The following FHIP1B variants were observed in gnomAD, a reference collection of about 807,000 sequenced individuals.
FHIP1B encodes FHF complex subunit HOOK interacting protein 1B.
In FHIP1B, 28 loss-of-function variants were observed where a neutral mutation model predicts 82.2. The observed-to-expected ratio is 0.34, with a 90% CI of 0.25 to 0.47. The LOEUF is 0.47. Among genes scored for constraint, FHIP1B ranks in the 20% least tolerant of loss-of-function variants. The pLI, the probability that FHIP1B is intolerant of heterozygous loss-of-function variation, is 1.00. For synonymous variants in FHIP1B, 585 were observed against 516.1 expected (o/e 1.13, Z -1.81); for missense variants, 1,110 against 1,262.6 (o/e 0.88, Z 1.83).
chr11:6,216,967 G>C, intron 9 of FHIP1B: 1 of 643,540 alleles, frequency 1.6e-6, no homozygotes. Flanking sequence ...GAATGGCATA[G>C]AGAGTGTTTA....
At position 6,211,614 on chromosome 11, in the gene FHIP1B, C is replaced by T; in HGVS notation, c.2811G>A (p.Glu937=). The part of the protein sequence containing the change: ...CAVIFPEFLK[E]LAAISQAHAV... ...CATGAGCCTGGGAGATGGCAGCCAACTCCTTGAGAAATTCAGGGAAAATGA... is the reference window on the plus strand; with the variant it reads ...CATGAGCCTGGGAGATGGCAGCCAATTCCTTGAGAAATTCAGGGAAAATGA... Residue 937 remains glutamate (E), a synonymous_variant, in exon 12 of 12, where the codon GAG becomes GAA. Coordinates refer to ENST00000449352, the MANE Select transcript of FHIP1B (RefSeq NM_001098794.2). 1 of 1,614,230 alleles carries T rather than the reference C, an allele frequency of 6.2e-7. No homozygotes were observed. The highest frequency in any genetic ancestry group is 8.5e-7 in the Non-Finnish European group (1 of 1,180,046).
intron 7 of FHIP1B, 40 bp downstream of exon 7, chr11:6,218,931 T>C: frequency 6.2e-7 from 1 of 1,605,042 alleles, no homozygotes; most frequent in Middle Eastern, 1.7e-4. Context: ...ACTCTGAGGC[T>C]TCAGGGTCAG....
chr11:6,216,532 T>A (rs1847230686), intron 9 of FHIP1B: 1 of 155,332 alleles, frequency 6.4e-6, no homozygotes. Context: ...TTCTCAGAGG[T>A]GGGTTTGTTT....
At chr11:6,215,567 T>C (rs565083285) in intron 9 of FHIP1B, among the ~76,000 whole-genome samples, 1 of 152,266 alleles carries the variant, frequency 6.6e-6, no homozygotes, top group South Asian at 2.1e-4. Context: ...GAAAAAAATA[T>C]TTGGAGGACC....
chr11:6,224,524 G>T lies in FHIP1B; in HGVS notation c.-8C>A, dbSNP rs117257317. 0.01 allele frequency: 16,663 copies of T among 1,606,520 alleles called. 133 individuals are homozygous for T. Among genetic ancestry groups the T allele is most frequent in the Non-Finnish European group, 0.013 (15,047 of 1,176,428 alleles). ...CCAATTCATCCTCTCCATGAGGCAG[G>T]CTGGGCAGGACTGGCAGCCAGAGGC... On this transcript the variant is annotated 5_prime_UTR_variant, in exon 2 of 12. Transcript: ENST00000449352.
Position 6,224,382 on chromosome 11 carries a change from G to A in FHIP1B, c.135C>T (p.Ser45=). 6.2e-7 allele frequency: 1 copy of A among 1,614,230 alleles called. No homozygotes were observed. Among genetic ancestry groups the A allele is most frequent in the Non-Finnish European group, 8.5e-7 (1 of 1,180,046 alleles). The change falls in exon 2 of 12, where the codon TCC becomes TCT. Residue 45 remains serine, a synonymous_variant. Transcript: ENST00000449352. ...CCTTTGCCATACAGTCTCCTACCTG[G>A]GACCAGTGATTCTTGAAGACCATGA... ...TCLMVFKNHW[S]QVVRILERQG...
chr11:6,222,677 G>A, intron 5 of FHIP1B, 68 bp from the exon 6 acceptor site: 1 of 1,578,942 alleles, frequency 6.3e-7, no homozygotes, highest in Non-Finnish European at 8.7e-7. Flanking sequence ...ATTTTCCCTG[G>A]ATTCTAAGAG....
chr11:6,218,957 G>A lies in FHIP1B; in HGVS notation c.1271+14C>T, dbSNP rs760540227. Reference sequence around the variant, plus strand: ...TCAGGGTCAGCCATCCCTCAGCCCTGCCCCAACAGATACCTGAGAACCAGC... The same window carrying A: ...TCAGGGTCAGCCATCCCTCAGCCCTACCCCAACAGATACCTGAGAACCAGC... On this transcript the variant is annotated intron_variant, in intron 7 of 11. Coordinates refer to ENST00000449352, the MANE Select transcript of FHIP1B (RefSeq NM_001098794.2). 1 of 1,613,760 alleles carries A rather than the reference G, an allele frequency of 6.2e-7. No individual in the cohort carries two copies. The highest frequency in any genetic ancestry group is 1.1e-5 in the South Asian group (1 of 91,052).
chr11:6,217,126 G>C, intron 9 of FHIP1B: 2 of 703,362 alleles, frequency 2.8e-6, no homozygotes, highest in Non-Finnish European at 2.6e-6. Context: ...CATGCACATA[G>C]GACATACATA....
chr11:6,213,695 T>C (rs1847138615), intron 11 of FHIP1B, among the ~76,000 whole-genome samples: 1 of 152,174 alleles, frequency 6.6e-6, no homozygotes, highest in Non-Finnish European at 1.5e-5. Flanking sequence ...CTTATACCAC[T>C]CACCAAACTC....
rs143087443 is a variant in FHIP1B at position 6,223,897 on chromosome 11, G to A, written c.490C>T (p.Arg164Cys). ...ALLTLLDACGRPVPSSPALDE... is the reference protein window; with the variant it reads ...ALLTLLDACGCPVPSSPALDE... ...AGTGCTGGGCTACTGGGCACAGGGC[G>A]GCCACAGGCATCCAGCAGGGTGAGC... The change falls in exon 3 of 12, where the codon CGC becomes TGC. Residue 164 changes from arginine to cysteine, a missense_variant. Physicochemically the swap from Arg to Cys is radical, Grantham distance 180. Coordinates refer to ENST00000449352, the MANE Select transcript of FHIP1B (RefSeq NM_001098794.2). This position sits in a 1 kb window ranked among gnomAD's most constrained non-coding sequence, Gnocchi z 4.8. The A allele has an allele frequency of 2.7e-5, 44 of 1,614,060 alleles. No individual in the cohort carries two copies. The highest frequency in any genetic ancestry group is 1.2e-4 in the African/African-American group (9 of 74,928).
intron 11 of FHIP1B, among the ~76,000 whole-genome samples, chr11:6,214,033 T>TG (rs1468260608): frequency 2.4e-5 from 1 of 41,974 alleles, no homozygotes; most frequent in East Asian, 5.3e-4. Flanking sequence ...GGACCTCTCC[T>TG]GAAAAAAAAA....
Position 6,218,742 on chromosome 11 carries a change from G to A in FHIP1B, c.1293C>T (p.His431=), listed in dbSNP as rs368609593. ...LVLRYLVPCN[H]VMLSQKPAVR... Reference sequence around the variant, plus strand: ...CAGCCGGCTTCTGGCTCAGCATAACGTGGTTACATGGAACAAGATACCTGA... The same window carrying A: ...CAGCCGGCTTCTGGCTCAGCATAACATGGTTACATGGAACAAGATACCTGA... Residue 431 remains histidine (H), a synonymous_variant, in exon 8 of 12, where the codon CAC becomes CAT. Coordinates refer to ENST00000449352, the MANE Select transcript of FHIP1B (RefSeq NM_001098794.2). 1.6e-4 allele frequency: 255 copies of A among 1,614,086 alleles called. No individual in the cohort carries two copies. The highest frequency in any genetic ancestry group is 6.7e-4 in the South Asian group (61 of 91,068).
In FHIP1B at chr11:6,222,559, T is replaced by C. The variant is rs145621516; in HGVS notation, c.1074A>G (p.Leu358=). 1.6e-3 allele frequency: 2,594 copies of C among 1,614,064 alleles called. 3 individuals are homozygous for C. Among genetic ancestry groups the C allele is most frequent in the Admixed American group, 2.5e-3 (153 of 60,016 alleles). Residue 358 remains leucine, a synonymous_variant, in exon 6 of 12, where the codon CTA becomes CTG. Transcript: ENST00000449352. ...GCAAAGCAGGCTCTGAGATACTCCG[T>C]AGGAAAAGTTCCAGATAGGCGGTAC... ...IASTAYLELF[L]RSISEPALLR... is the part of the protein sequence containing the mutation.
At chr11:6,234,354 C>T (rs1847785934) in intron 1 of FHIP1B, among the ~76,000 whole-genome samples, 190 bp downstream of exon 1, 2 of 152,166 alleles carry the variant, frequency 1.3e-5, no homozygotes, top group Admixed American at 1.3e-4. Flanking sequence ...AAGCACCCAG[C>T]CTCTCACAGC....
Position 6,224,608 on chromosome 11 carries a change from C to T in FHIP1B, c.-92G>A, listed in dbSNP as rs1330360895. 2 of 1,395,590 alleles carry T rather than the reference C, an allele frequency of 1.4e-6. No individual in the cohort carries two copies. The highest frequency in any genetic ancestry group is 2.5e-5 in the Admixed American group (1 of 39,890). 86.5% of individuals were successfully genotyped at this position (1,395,590 alleles called of 1,614,324 possible). On this transcript the variant is annotated 5_prime_UTR_variant, in exon 2 of 12. It removes an upstream start codon present in the reference 5' UTR. Coordinates refer to ENST00000449352, the MANE Select transcript of FHIP1B (RefSeq NM_001098794.2). ...CTCCACTTGTGTCTCCAGTCTGCTT[C>T]ATCCGGTCTGTAGGAGCCAGTAGCT...
rs148418848 is a variant in FHIP1B at position 6,223,525 on chromosome 11, A to T, written c.777+85T>A. ...TTCCTAGGGGAACGGGCCCTGGAAC[A>T]TAGCCTCTCCCCATCTCCTGGATAG... On this transcript the variant is annotated intron_variant, in intron 3 of 11. Transcript: ENST00000449352. The surrounding 1 kb of genome is among the most constrained non-coding windows in gnomAD (Gnocchi z 4.8). The T allele has an allele frequency of 1.8e-5, 26 of 1,479,464 alleles. No homozygotes were observed. Among genetic ancestry groups the T allele is most frequent in the Non-Finnish European group, 1.5e-5 (17 of 1,100,936 alleles). 91.6% of individuals were successfully genotyped at this position (1,479,464 alleles called of 1,614,324 possible).
At chr11:6,217,090 T>A (rs1389048587) in intron 9 of FHIP1B, 1 of 702,672 alleles carries the variant, frequency 1.4e-6, no homozygotes, top group Non-Finnish European at 2.6e-6. Flanking sequence ...TCGCAGGAAA[T>A]GGCCAGACTA....
At position 6,218,037 on chromosome 11, in the gene FHIP1B, G is replaced by A. The variant is rs1169875766; in HGVS notation, c.1549C>T (p.Pro517Ser). The change falls in exon 9 of 12, where the codon CCA becomes TCA. Residue 517 changes from proline (P) to serine (S), a missense_variant. Physicochemically the swap from Pro to Ser is moderately conservative, Grantham distance 74. Transcript: ENST00000449352. The stretch of plus-strand genomic sequence containing the variant: ...CCTGGTGAGCAAGGGGCTGGGCCTG[G>A]AGACTCAGAGCCACCCAGGCTCTGC... The part of the protein sequence containing the change: ...RQQSLGGSES[P>S]GPAPCSPGLS... The A allele has an allele frequency of 6.2e-7, 1 of 1,613,566 alleles. No homozygotes were observed. The highest frequency in any genetic ancestry group is 8.5e-7 in the Non-Finnish European group (1 of 1,179,792).
Sources: gnomAD v4.1 joint callset for allele counts (sites outside exome capture counted in the v4.1 genomes callset) on GRCh38, gnomAD v4.1.1 for gene constraint, Gnocchi (gnomAD v3.1) non-coding constraint, MANE v1.5 for transcripts, NCBI Gene and HGNC (gene_info 2026-07-23, HGNC 2026-07-21) for gene names.